SH3RF3: variants seen among roughly 807,000 people sequenced by gnomAD.
SH3RF3 encodes E3 ubiquitin-protein ligase SH3RF3.
Under a neutral mutation model 66.3 loss-of-function variants are expected in SH3RF3, and 29 were observed. The ratio of observed to expected loss-of-function variants is 0.44; its 90% confidence interval spans 0.33 to 0.60. The LOEUF is 0.60. SH3RF3 is among the 20% of genes least tolerant of loss of function. The pLI, the probability that SH3RF3 is intolerant of heterozygous loss-of-function variation, is 0.04. For missense variants in SH3RF3, 1,194 were observed against 1,190.9 expected (o/e 1.00, Z -0.04); for synonymous variants, 583 against 532.0 (o/e 1.10, Z -1.32).
At chr2:109,144,401 G>A (rs1316613332) in intron 1 of SH3RF3, among the ~76,000 whole-genome samples, 1 of 152,160 alleles carries the variant, frequency 6.6e-6, no homozygotes, top group Non-Finnish European at 1.5e-5. Flanking sequence ...TCAAGTCATA[G>A]AACAAGCAGA....
At chr2:109,277,737 C>T (rs1157179138) in intron 1 of SH3RF3, among the ~76,000 whole-genome samples, 2 of 152,178 alleles carry the variant, frequency 1.3e-5, no homozygotes, top group South Asian at 2.1e-4. Flanking sequence ...TTACCACAAG[C>T]GTGGCTGTGG....
chr2:109,213,644 CTG>C (rs1057299424), intron 1 of SH3RF3, among the ~76,000 whole-genome samples: 11 of 152,278 alleles, frequency 7.2e-5, no homozygotes, highest in Non-Finnish European at 1.3e-4. Context: ...GGGCAGCAAA[CTG>C]TGTGTCTACA....
At chr2:109,452,622 C>T (rs1429673053) in intron 8 of SH3RF3, among the ~76,000 whole-genome samples, 1 of 152,204 alleles carries the variant, frequency 6.6e-6, no homozygotes, top group African/African-American at 2.4e-5. Flanking sequence ...GATTTACGCG[C>T]CATATCCCTG....
rs748917363 is a variant in SH3RF3, at chr2:109,432,504, C to T, written c.1407C>T (p.Tyr469=). 87 of 1,613,222 alleles carry T rather than the reference C, an allele frequency of 5.4e-5. No homozygotes were observed. Among genetic ancestry groups the T allele is most frequent in the Non-Finnish European group, 7.1e-5 (84 of 1,179,734 alleles). The change falls in exon 6 of 10, where the codon TAC becomes TAT. Residue 469 remains tyrosine (Y), a synonymous_variant. Transcript: ENST00000309415. ...TGGCCCCATGCTTTGCCCGCAGGTA[C>T]CTGGCGCTCTACGCCTACAAGCCCC... is the stretch of plus-strand genomic sequence containing the variant. The part of the protein sequence containing the change: ...PPKVQLPLNV[Y]LALYAYKPQK...
intron 1 of SH3RF3, among the ~76,000 whole-genome samples, chr2:109,178,320 C>G (rs1677978551): frequency 1.3e-5 from 2 of 152,094 alleles, no homozygotes; most frequent in Admixed American, 6.6e-5. Context: ...TTCTCTATTG[C>G]AATTCATTGA....
intron 1 of SH3RF3, among the ~76,000 whole-genome samples, chr2:109,142,044 G>GT (rs548541108): frequency 4.6e-5 from 2 of 43,012 alleles, no homozygotes; most frequent in Non-Finnish European, 1.5e-4. Flanking sequence ...TGAGTCTCCT[G>GT]GGGGGGGGGT....
chr2:109,300,601 A>C (rs1047417318), intron 1 of SH3RF3, among the ~76,000 whole-genome samples: 1 of 152,220 alleles, frequency 6.6e-6, no homozygotes, highest in African/African-American at 2.4e-5. Context: ...GCAAATATGC[A>C]CTGGGACTTC....
rs528323285 is a variant in SH3RF3 at position 109,325,282 on chromosome 2, A to G, written c.574-22392A>G. 2.7e-5 allele frequency among the ~76,000 whole-genome samples: 4 copies of G among 145,814 alleles called. No homozygotes were observed. The East Asian group carries it at 8.5e-4, about 31-fold the overall frequency. ...AGCCAAGAAATCGTAGAATCCCAGG[A>G]GTCATTGGATTTCAGGGACTGCCAT... On this transcript the variant is annotated intron_variant, in intron 1 of 9. Transcript: ENST00000309415.
At chr2:109,182,063 G>C (rs983760176) in intron 1 of SH3RF3, among the ~76,000 whole-genome samples, 4 of 152,150 alleles carry the variant, frequency 2.6e-5, no homozygotes, top group African/African-American at 9.7e-5. Context: ...CCGTAAACCT[G>C]AATAATTTTT....
chr2:109,352,739 A>G (rs1298661315), intron 2 of SH3RF3, among the ~76,000 whole-genome samples: 1 of 152,080 alleles, frequency 6.6e-6, no homozygotes, highest in African/African-American at 2.4e-5. Flanking sequence ...ACCTGCAGCC[A>G]CCTCTGTGCA....
At chr2:109,348,633 G>A (rs1041752533) in intron 2 of SH3RF3, among the ~76,000 whole-genome samples, 8 of 152,176 alleles carry the variant, frequency 5.3e-5, no homozygotes, top group South Asian at 4.1e-4. Context: ...CTTTACAGCT[G>A]TCCCAGGTTC....
intron 1 of SH3RF3, among the ~76,000 whole-genome samples, chr2:109,286,475 A>G (rs992012679): frequency 1.3e-5 from 2 of 152,182 alleles, no homozygotes; most frequent in African/African-American, 2.4e-5. Flanking sequence ...GCTGCACCAC[A>G]GTCCCGCACA....
rs755231543 is a variant in SH3RF3, at chr2:109,391,589, C to T, written c.946-7001C>T. 6.6e-5 allele frequency among the ~76,000 whole-genome samples: 10 copies of T among 152,320 alleles called. No individual in the cohort carries two copies. The East Asian group carries it at 1.2e-3, about 18-fold the overall frequency. ...CTCTCCCATAGCAGGTGTGTGGCCA[C>T]GGCTTGTGGCCGGGCAGGGAGCATC... On this transcript the variant is annotated intron_variant, in intron 3 of 9. Coordinates refer to ENST00000309415, the MANE Select transcript of SH3RF3 (RefSeq NM_001099289.3).
chr2:109,177,095 G>A (rs1677934251), intron 1 of SH3RF3, among the ~76,000 whole-genome samples: 1 of 152,150 alleles, frequency 6.6e-6, no homozygotes, highest in African/African-American at 2.4e-5. Context: ...AATAAGCTCT[G>A]TTTACTGGGA....
At position 109,341,928 on chromosome 2, in the gene SH3RF3, A is replaced by G. The variant is rs117488265; in HGVS notation, c.574-5746A>G. Among the ~76,000 whole-genome samples, 1,325 of 152,270 alleles carry G rather than the reference A, an allele frequency of 8.7e-3. 13 individuals are homozygous for G. Among genetic ancestry groups the G allele is most frequent in the East Asian group, 0.043 (224 of 5,188 alleles). ...GAAATTTGGAATATTCTGACAGACA[A>G]AAGAAGCAGAAAGTGGGTATCAGGG... On this transcript the variant is annotated intron_variant, in intron 1 of 9. Coordinates refer to ENST00000309415, the MANE Select transcript of SH3RF3 (RefSeq NM_001099289.3).
At chr2:109,368,176 G>A (rs995414842) in intron 2 of SH3RF3, among the ~76,000 whole-genome samples, 2 of 151,880 alleles carry the variant, frequency 1.3e-5, no homozygotes, top group African/African-American at 4.8e-5. Flanking sequence ...GTTTTTTTAA[G>A]TCTTTATACA....
chr2:109,496,256 C>T (rs921796498), intron 9 of SH3RF3, among the ~76,000 whole-genome samples: 1 of 152,166 alleles, frequency 6.6e-6, no homozygotes, highest in Non-Finnish European at 1.5e-5. Flanking sequence ...CTAATTGCTG[C>T]ATTTTATAAT....
At position 109,258,296 on chromosome 2, in the gene SH3RF3, G is replaced by A. The variant is rs142736249; in HGVS notation, c.574-89378G>A. Among the ~76,000 whole-genome samples the A allele has an allele frequency of 7.4e-3, 1,134 of 152,314 alleles. 8 individuals carry two copies. The highest frequency in any genetic ancestry group is 0.024 in the South Asian group (115 of 4,828). On this transcript the variant is annotated intron_variant, in intron 1 of 9. Transcript: ENST00000309415. ...CTGAGGGGATCCTGATGCAGTGGCC[G>A]CTGTGACAGCCAGTCAGGAGGTCTT...
chr2:109,241,257 T>TAACAACAACA (rs1558976241), intron 1 of SH3RF3, among the ~76,000 whole-genome samples: 1 of 151,184 alleles, frequency 6.6e-6, no homozygotes, highest in African/African-American at 2.4e-5. Context: ...CCTAAGAATA[T>TAACAACAACA]AACAACAACA....
Sources: gnomAD v4.1 joint callset for allele counts (sites outside exome capture counted in the v4.1 genomes callset) on GRCh38, gnomAD v4.1.1 for gene constraint, MANE v1.5 for transcripts, NCBI Gene and HGNC (gene_info 2026-07-23, HGNC 2026-07-21) for gene names.